Variants in CACNA2D3 observed in about 807,000 individuals in gnomAD.
CACNA2D3 encodes the protein calcium voltage-gated channel auxiliary subunit alpha2delta 3, also known as voltage-dependent calcium channel subunit alpha-2/delta-3.
Under a neutral mutation model 160.6 loss-of-function variants are expected in CACNA2D3, and 60 were observed. The ratio of observed to expected loss-of-function variants is 0.37; its 90% confidence interval spans 0.30 to 0.46. The LOEUF is 0.46. CACNA2D3 is among the 20% of genes least tolerant of loss of function. The pLI is 1.00. For synonymous variants in CACNA2D3, 558 were observed against 492.9 expected (o/e 1.13, Z -1.75); for missense variants, 1,205 against 1,365.0 (o/e 0.88, Z 1.85).
rs1703554830 is a variant in CACNA2D3, at chr3:54,304,585, C to G, written c.205-15857C>G. Among the ~76,000 whole-genome samples, 3 of 151,922 alleles carry G rather than the reference C, an allele frequency of 2.0e-5. No individual in the cohort carries two copies. The South Asian group carries it at 6.3e-4, about 32-fold the overall frequency. On this transcript the variant is annotated intron_variant, in intron 2 of 37. Coordinates refer to ENST00000474759, the MANE Select transcript of CACNA2D3 (RefSeq NM_018398.3). ...GGAGAATGAGGATTAACATTTTTCC[C>G]CCTTCTATTTGATTACATCTACCAT...
intron 2 of CACNA2D3, among the ~76,000 whole-genome samples, chr3:54,182,571 A>G (rs572165320): frequency 1.3e-5 from 2 of 152,346 alleles, no homozygotes; most frequent in South Asian, 2.1e-4. Flanking sequence ...TTATTTTCAC[A>G]TCTAATGTTT....
At chr3:54,590,952 G>A (rs1267592631) in intron 9 of CACNA2D3, among the ~76,000 whole-genome samples, 1 of 152,128 alleles carries the variant, frequency 6.6e-6, no homozygotes, top group Non-Finnish European at 1.5e-5. Context: ...AGGAAGTTTT[G>A]ATGTTCTTAC....
intron 35 of CACNA2D3, among the ~76,000 whole-genome samples, chr3:55,022,570 C>CTTT (rs747563784): frequency 0.024 from 1,258 of 52,424 alleles, 12 homozygotes; most frequent in Non-Finnish European, 0.031. Context: ...TTCTTTCTTT[C>CTTT]CTTCCTTCCT....
intron 29 of CACNA2D3, among the ~76,000 whole-genome samples, chr3:54,983,762 C>T (rs1370842877): frequency 6.6e-6 from 1 of 152,160 alleles, no homozygotes; most frequent in Non-Finnish European, 1.5e-5. Flanking sequence ...CGGAATTTAG[C>T]TCAGAGTAAA....
chr3:54,845,988 G>A (rs1424767180), intron 16 of CACNA2D3, among the ~76,000 whole-genome samples: 4 of 152,200 alleles, frequency 2.6e-5, no homozygotes, highest in African/African-American at 2.4e-5. Context: ...GTGAGGCAGC[G>A]TGGGGACCCC....
chr3:54,349,909 C>T (rs546749640), intron 3 of CACNA2D3, among the ~76,000 whole-genome samples: 2 of 152,360 alleles, frequency 1.3e-5, no homozygotes, highest in South Asian at 4.1e-4. Context: ...ATGCTGGCTG[C>T]CATGACGTAA....
chr3:54,671,388 G>C (rs937025636), intron 11 of CACNA2D3, among the ~76,000 whole-genome samples: 2 of 152,066 alleles, frequency 1.3e-5, no homozygotes, highest in African/African-American at 4.8e-5. Flanking sequence ...GAGCCTGTGA[G>C]AGTGTAATAT....
At chr3:55,024,247 A>T (rs1703518231) in intron 35 of CACNA2D3, among the ~76,000 whole-genome samples, 1 of 150,920 alleles carries the variant, frequency 6.6e-6, no homozygotes. Flanking sequence ...TTGGGGGATT[A>T]TAATAGTAAG....
At chr3:54,535,871 A>C (rs1435899648) in intron 5 of CACNA2D3, among the ~76,000 whole-genome samples, 2 of 152,204 alleles carry the variant, frequency 1.3e-5, no homozygotes. Context: ...GTGCTGGTCA[A>C]TTTGTCAGTG....
chr3:54,200,113 C>A (rs890296315), intron 2 of CACNA2D3, among the ~76,000 whole-genome samples: 2 of 152,192 alleles, frequency 1.3e-5, no homozygotes, highest in Admixed American at 1.3e-4. Context: ...GTGGACAGAG[C>A]AGATACCATG....
intron 3 of CACNA2D3, among the ~76,000 whole-genome samples, chr3:54,351,205 C>A (rs1213610698): frequency 2.6e-5 from 4 of 151,834 alleles, no homozygotes; most frequent in African/African-American, 9.7e-5. Flanking sequence ...TGGTCTCGAA[C>A]TCCTGACCTC....
chr3:54,839,806 G>A (rs1027878930), intron 16 of CACNA2D3, among the ~76,000 whole-genome samples: 1 of 152,118 alleles, frequency 6.6e-6, no homozygotes, highest in Admixed American at 6.5e-5. Context: ...TCGTTGATGA[G>A]GTGGGTGTGG....
chr3:54,310,303 G>C (rs1203885916), intron 2 of CACNA2D3, among the ~76,000 whole-genome samples: 2 of 152,014 alleles, frequency 1.3e-5, no homozygotes, highest in Non-Finnish European at 2.9e-5. Flanking sequence ...ACTTGAAAAC[G>C]TAATTGCTTT....
chr3:54,244,726 T>G (rs180972056), intron 2 of CACNA2D3, among the ~76,000 whole-genome samples: 1 of 152,264 alleles, frequency 6.6e-6, no homozygotes, highest in Non-Finnish European at 1.5e-5. Flanking sequence ...CATTTTAATA[T>G]TTAAATCAAA....
At chr3:54,305,581 A>G (rs1703579673) in intron 2 of CACNA2D3, among the ~76,000 whole-genome samples, 1 of 152,274 alleles carries the variant, frequency 6.6e-6, no homozygotes, top group African/African-American at 2.4e-5. Context: ...AGGATGACTT[A>G]GTGACATAGA....
intron 2 of CACNA2D3, among the ~76,000 whole-genome samples, chr3:54,243,222 G>A (rs1702006522): frequency 6.6e-6 from 1 of 152,186 alleles, no homozygotes; most frequent in African/African-American, 2.4e-5. Flanking sequence ...AAACTACCCA[G>A]AAAGACAAGG....
chr3:54,265,699 A>G (rs1702499751), intron 2 of CACNA2D3, among the ~76,000 whole-genome samples: 1 of 150,760 alleles, frequency 6.6e-6, no homozygotes, highest in Non-Finnish European at 1.5e-5. Context: ...GTGTGGGTAT[A>G]TATAGTGTGT....
intron 4 of CACNA2D3, among the ~76,000 whole-genome samples, chr3:54,485,122 G>C (rs572239381): frequency 6.6e-6 from 1 of 151,868 alleles, no homozygotes; most frequent in South Asian, 2.1e-4. Context: ...TGGGATTACA[G>C]GCATGAGCCA....
chr3:54,253,780 T>G (rs2107428558), intron 2 of CACNA2D3, among the ~76,000 whole-genome samples: 1 of 152,264 alleles, frequency 6.6e-6, no homozygotes, highest in Middle Eastern at 3.4e-3. Context: ...TCCCTGTTTT[T>G]TTTTGTTTTT....
Sources: gnomAD v4.1 joint callset for allele counts (sites outside exome capture counted in the v4.1 genomes callset) on GRCh38, gnomAD v4.1.1 for gene constraint, MANE v1.5 for transcripts, NCBI Gene and HGNC (gene_info 2026-07-23, HGNC 2026-07-21) for gene names.